Variants in PNPLA8 observed in about 807,000 individuals in gnomAD.
PNPLA8 encodes the protein patatin like domain 8, phospholipase A2.
In PNPLA8, 39 loss-of-function variants were observed where a neutral mutation model predicts 76.9. The ratio of observed to expected loss-of-function variants is 0.51; its 90% confidence interval spans 0.39 to 0.66. PNPLA8 has a LOEUF of 0.66. Among genes scored for constraint, PNPLA8 ranks in the 30% least tolerant of loss-of-function variants. The pLI is 0.00. For missense variants in PNPLA8, 887 were observed against 918.0 expected, an observed-to-expected ratio of 0.97 and a Z score of 0.44; for synonymous variants, 301 against 307.9, an observed-to-expected ratio of 0.98 and a Z score of 0.24.
At chr7:108,476,268 C>A (rs140844850) in intron 10 of PNPLA8, among the ~76,000 whole-genome samples, 1 of 152,170 alleles carries the variant, frequency 6.6e-6, no homozygotes, top group Non-Finnish European at 1.5e-5. Context: ...ACTGAGGCAA[C>A]ATTTCATGTT....
intron 8 of PNPLA8, among the ~76,000 whole-genome samples, chr7:108,491,106 A>T (rs548892111): frequency 2.0e-5 from 3 of 152,176 alleles, no homozygotes; most frequent in African/African-American, 7.2e-5. Context: ...GGAGTTTGAG[A>T]CCAGCCTGAC....
intron 5 of PNPLA8, among the ~76,000 whole-genome samples, chr7:108,500,344 T>C (rs1861848208): frequency 6.6e-6 from 1 of 152,232 alleles, no homozygotes; most frequent in South Asian, 2.1e-4. Flanking sequence ...ACTTTATCTG[T>C]ATCACATGAA....
At chr7:108,497,710 A>C in intron 5 of PNPLA8, 133 bp from the exon 6 acceptor site, 1 of 453,726 alleles carries the variant, frequency 2.2e-6, no homozygotes, top group African/African-American at 2.0e-5. Flanking sequence ...ATAAATCAAA[A>C]TCAGTAAAAA....
intron 4 of PNPLA8, among the ~76,000 whole-genome samples, chr7:108,505,839 A>G (rs1429597457): frequency 6.6e-5 from 10 of 152,270 alleles, no homozygotes; most frequent in Non-Finnish European, 7.4e-5. Context: ...ATACACATAC[A>G]TACCGCACAT....
chr7:108,499,217 C>T (rs570948333), intron 5 of PNPLA8, among the ~76,000 whole-genome samples: 20 of 152,204 alleles, frequency 1.3e-4, no homozygotes, highest in Non-Finnish European at 2.2e-4. Context: ...AATCAAAATA[C>T]TAAAATAATC....
rs1859577917 is a variant in PNPLA8 at position 108,470,627 on chromosome 7, G to C, written c.*1774C>G. On this transcript the variant is annotated 3_prime_UTR_variant, in exon 11 of 11. Coordinates refer to ENST00000257694, the MANE Select transcript of PNPLA8 (RefSeq NM_001256007.3). ...TACGAAGAATTCCCAGAAATATTCT[G>C]ATTTCCAATTATTTGTTTTTTTCTT... 1.3e-5 allele frequency: 2 copies of C among 152,048 alleles called. No individual in the cohort carries two copies. Among genetic ancestry groups the C allele is most frequent in the African/African-American group, 4.8e-5 (2 of 41,410 alleles). The allele number at this position is 152,048 out of a possible 1,614,324, so 9.4% of individuals were successfully genotyped here.
At chr7:108,494,867 C>A (rs565751845) in intron 7 of PNPLA8, among the ~76,000 whole-genome samples, 31 of 152,176 alleles carry the variant, frequency 2.0e-4, no homozygotes, top group Non-Finnish European at 4.0e-4. Flanking sequence ...AATATATTTA[C>A]AATACATTGA....
At chr7:108,489,989 C>T (rs541066795) in intron 8 of PNPLA8, among the ~76,000 whole-genome samples, 3 of 152,164 alleles carry the variant, frequency 2.0e-5, no homozygotes, top group Non-Finnish European at 4.4e-5. Flanking sequence ...TCATGCATTG[C>T]ATATCAATGT....
chr7:108,504,875 G>A (rs908480924), intron 4 of PNPLA8, among the ~76,000 whole-genome samples: 2 of 152,082 alleles, frequency 1.3e-5, no homozygotes, highest in East Asian at 3.9e-4. Flanking sequence ...TTGGGAGTTC[G>A]AGACCAGCCT....
chr7:108,515,296 A>T lies in PNPLA8; in HGVS notation c.196T>A (p.Ser66Thr), dbSNP rs965774431. The T allele has an allele frequency of 5.0e-6, 8 of 1,610,862 alleles. No homozygotes were observed. Among genetic ancestry groups the T allele is most frequent in the Non-Finnish European group, 5.9e-6 (7 of 1,178,912 alleles). Residue 66 changes from serine to threonine, a missense_variant, in exon 3 of 11, where the codon TCT becomes ACT. Ser to Thr is a moderately conservative substitution (Grantham distance 58). Transcript: ENST00000257694. ...GGAGAGTAACAGTGCTTACTGCAAG[A>T]ATGTGCTTCACTTTTGGTCCATTTA... ...RCKWTKSEAH[S>T]CSKHCYSPSN...
At chr7:108,491,377 C>T (rs1861152365) in intron 8 of PNPLA8, 33 bp downstream of exon 8, 1 of 1,341,022 alleles carries the variant, frequency 7.5e-7, no homozygotes. Context: ...TCAGATGGAA[C>T]TAGGTGTTAT....
At chr7:108,480,665 A>C (rs1345895108) in intron 9 of PNPLA8, 1 of 379,124 alleles carries the variant, frequency 2.6e-6, no homozygotes, top group African/African-American at 2.1e-5. Flanking sequence ...ACAGTTTTTG[A>C]CAGAATACTT....
intron 4 of PNPLA8, among the ~76,000 whole-genome samples, chr7:108,503,851 G>C (rs1453150437): frequency 6.6e-6 from 1 of 152,188 alleles, no homozygotes; most frequent in Non-Finnish European, 1.5e-5. Flanking sequence ...TAGCATCTAA[G>C]GGGTTTGGAG....
chr7:108,516,426 T>G (rs1276922805), intron 2 of PNPLA8, among the ~76,000 whole-genome samples: 2 of 152,156 alleles, frequency 1.3e-5, no homozygotes, highest in Non-Finnish European at 2.9e-5. Flanking sequence ...GACACAGACT[T>G]TATACCTATC....
intron 1 of PNPLA8, among the ~76,000 whole-genome samples, chr7:108,524,063 T>C (rs563524194): frequency 6.6e-6 from 1 of 152,278 alleles, no homozygotes; most frequent in Non-Finnish European, 1.5e-5. Flanking sequence ...GAAGTAACAG[T>C]GGGACATTCA....
Position 108,514,698 on chromosome 7 carries a change from G to T in PNPLA8, c.794C>A (p.Thr265Lys). 6.2e-7 allele frequency: 1 copy of T among 1,613,960 alleles called. No individual in the cohort carries two copies. The highest frequency in any genetic ancestry group is 8.5e-7 in the Non-Finnish European group (1 of 1,179,868). Reference protein sequence around the residue: ...AYKPGSESVHTVDKPTSPSAI... With the variant: ...AYKPGSESVHKVDKPTSPSAI... ...AGAAGGACTTGTAGGCTTGTCCACCGTATGTACAGATTCTGAGCCTGGCTT... is the reference window on the plus strand; with the variant it reads ...AGAAGGACTTGTAGGCTTGTCCACCTTATGTACAGATTCTGAGCCTGGCTT... Residue 265 changes from threonine (T) to lysine (K), a missense_variant, in exon 3 of 11, where the codon ACG (threonine) becomes AAG (lysine). Coordinates refer to ENST00000257694, the MANE Select transcript of PNPLA8 (RefSeq NM_001256007.3).
intron 4 of PNPLA8, among the ~76,000 whole-genome samples, chr7:108,512,946 G>A (rs1168499818): frequency 2.0e-5 from 3 of 152,086 alleles, no homozygotes; most frequent in African/African-American, 7.2e-5. Context: ...TAGTACAACT[G>A]GCCTTGTAAA....
intron 10 of PNPLA8, among the ~76,000 whole-genome samples, chr7:108,473,022 C>T (rs1258497446): frequency 6.6e-6 from 1 of 152,134 alleles, no homozygotes; most frequent in East Asian, 1.9e-4. Context: ...GTGCAACTCA[C>T]CAATTTTAAC....
At chr7:108,492,776 G>C (rs999196578) in intron 7 of PNPLA8, among the ~76,000 whole-genome samples, 1 of 152,218 alleles carries the variant, frequency 6.6e-6, no homozygotes, top group Admixed American at 6.5e-5. Context: ...GGTAGATATA[G>C]AAGAATATTA....
Sources: allele counts gnomAD v4.1 joint callset (sites outside exome capture counted in the v4.1 genomes callset), GRCh38; gene constraint gnomAD v4.1.1; transcripts MANE v1.5; gene names NCBI Gene and HGNC (gene_info 2026-07-23, HGNC 2026-07-21).